The following CDC14A variants were observed in gnomAD, a reference collection of about 807,000 sequenced individuals.
CDC14A encodes the protein cell division cycle 14A, also known as dual specificity protein phosphatase CDC14A.
In CDC14A, 53 loss-of-function variants were observed where a neutral mutation model predicts 74.4. That is an observed-to-expected ratio of 0.71 (90% CI 0.57 to 0.89). The LOEUF (loss-of-function observed/expected upper bound fraction) is 0.89. Among genes scored for constraint, CDC14A ranks in the 40% least tolerant of loss-of-function variants. The probability of loss-of-function intolerance (pLI) is 0.00; values close to 1 mark genes in which losing one functional copy is unlikely to be tolerated. For synonymous variants in CDC14A, 247 were observed against 258.4 expected (o/e 0.96, Z 0.43); for missense variants, 646 against 713.7 (o/e 0.91, Z 1.08).
chr1:100,433,178 T>A (rs1305552455), intron 5 of CDC14A, among the ~76,000 whole-genome samples: 1 of 152,160 alleles, frequency 6.6e-6, no homozygotes, highest in Non-Finnish European at 1.5e-5. Flanking sequence ...CCTGGACACA[T>A]TTTTGCTTCA....
At chr1:100,510,316 AT>A (rs1202747992) in intron 15 of CDC14A, among the ~76,000 whole-genome samples, 1 of 152,250 alleles carries the variant, frequency 6.6e-6, no homozygotes, top group African/African-American at 2.4e-5. Context: ...CTATTTACAG[AT>A]GGGGAAATCA....
intron 5 of CDC14A, among the ~76,000 whole-genome samples, chr1:100,426,500 T>G (rs1436452823): frequency 6.6e-6 from 1 of 152,216 alleles, no homozygotes; most frequent in Non-Finnish European, 1.5e-5. Context: ...TGATTTCAAT[T>G]CTACATAAAT....
chr1:100,495,191 A>G (rs1213454532), intron 12 of CDC14A, among the ~76,000 whole-genome samples: 1 of 152,202 alleles, frequency 6.6e-6, no homozygotes, highest in Non-Finnish European at 1.5e-5. Context: ...ACTCTGTTTC[A>G]AATTCTGTTT....
intron 5 of CDC14A, among the ~76,000 whole-genome samples, chr1:100,438,542 A>T (rs1664588809): frequency 1.3e-5 from 2 of 152,230 alleles, no homozygotes; most frequent in African/African-American, 4.8e-5. Flanking sequence ...TTTACAAGAT[A>T]TTTGAAAAGG....
chr1:100,465,792 A>G (rs1218634487), intron 9 of CDC14A, among the ~76,000 whole-genome samples: 1 of 152,262 alleles, frequency 6.6e-6, no homozygotes, highest in Non-Finnish European at 1.5e-5. Context: ...AAATACAGCA[A>G]CGTTGTGATA....
At chr1:100,468,612 T>G (rs943234758) in intron 10 of CDC14A, among the ~76,000 whole-genome samples, 1 of 152,254 alleles carries the variant, frequency 6.6e-6, no homozygotes, top group Admixed American at 6.5e-5. Context: ...GGCTCTCCAC[T>G]AACTAGCTTT....
intron 11 of CDC14A, among the ~76,000 whole-genome samples, chr1:100,486,497 A>G (rs1208676325): frequency 9.9e-5 from 15 of 152,204 alleles, no homozygotes; most frequent in Non-Finnish European, 1.9e-4. Flanking sequence ...TTTATTTCTC[A>G]CGGTTCTGCA....
intron 4 of CDC14A, among the ~76,000 whole-genome samples, chr1:100,395,850 C>T (rs749605265): frequency 5.1e-4 from 77 of 152,140 alleles, no homozygotes; most frequent in Non-Finnish European, 9.7e-4. Flanking sequence ...ATGCTTGTTC[C>T]TACCAAAGAG....
intron 3 of CDC14A, among the ~76,000 whole-genome samples, chr1:100,388,026 G>A (rs1571029211): frequency 6.6e-6 from 1 of 152,282 alleles, no homozygotes; most frequent in South Asian, 2.1e-4. Context: ...TAGTAGAAAA[G>A]AGCATCAAAA....
Position 100,518,393 on chromosome 1 carries a change from C to A in CDC14A, c.*113C>A, listed in dbSNP as rs1557845268. On this transcript the variant is annotated 3_prime_UTR_variant, in exon 16 of 16. Transcript: ENST00000336454. The stretch of plus-strand genomic sequence containing the variant: ...CTGGAAGAATATCTCTGCCTTCTTA[C>A]CTTAAATTAAAAAGAGCACTAAGAT... 7.2e-6 allele frequency: 6 copies of A among 833,878 alleles called. No individual in the cohort carries two copies. Among genetic ancestry groups the A allele is most frequent in the African/African-American group, 1.7e-5 (1 of 58,546 alleles). The allele number at this position is 833,878 out of a possible 1,614,324, so 51.7% of individuals were successfully genotyped here. A position where few individuals can be genotyped will look rare whatever the true frequency, so the allele number is the denominator to read the frequency against.
At chr1:100,402,341 A>G (rs1037632729) in intron 4 of CDC14A, among the ~76,000 whole-genome samples, 4 of 152,186 alleles carry the variant, frequency 2.6e-5, no homozygotes, top group African/African-American at 9.6e-5. Flanking sequence ...GCTCACATTT[A>G]GACGTATTCC....
At chr1:100,353,077 A>C in intron 1 of CDC14A, 74 bp downstream of exon 1, 4 of 1,509,742 alleles carry the variant, frequency 2.6e-6, no homozygotes, top group East Asian at 2.3e-5. Context: ...CACTGTCCCC[A>C]CCTTCTCCTG....
intron 5 of CDC14A, among the ~76,000 whole-genome samples, chr1:100,432,474 A>C (rs1428915778): frequency 1.3e-5 from 2 of 152,222 alleles, no homozygotes; most frequent in Non-Finnish European, 2.9e-5. Flanking sequence ...TAGACTGTAC[A>C]TTTAAAATAC....
At chr1:100,432,596 G>C (rs1462303683) in intron 5 of CDC14A, among the ~76,000 whole-genome samples, 1 of 152,096 alleles carries the variant, frequency 6.6e-6, no homozygotes, top group Non-Finnish European at 1.5e-5. Context: ...GTGAGACCCT[G>C]TCTCTCAAAA....
chr1:100,349,821 T>A (rs542110512), upstream of CDC14A, among the ~76,000 whole-genome samples: 3 of 151,766 alleles, frequency 2.0e-5, no homozygotes, highest in African/African-American at 7.2e-5. Flanking sequence ...CGCCACCACA[T>A]CTGGCTAATT....
chr1:100,482,531 G>A (rs889282859), intron 10 of CDC14A, among the ~76,000 whole-genome samples: 4 of 152,034 alleles, frequency 2.6e-5, no homozygotes, highest in Non-Finnish European at 5.9e-5. Context: ...TGAGTAAGGG[G>A]CCTCTTTTCC....
Position 100,493,855 on chromosome 1 carries a change from G to A in CDC14A, c.1138-963G>A, listed in dbSNP as rs79989235. 6.0e-3 allele frequency among the ~76,000 whole-genome samples: 914 copies of A among 152,228 alleles called. 5 individuals carry two copies. Among genetic ancestry groups the A allele is most frequent in the African/African-American group, 0.021 (870 of 41,534 alleles). The stretch of plus-strand genomic sequence containing the variant: ...GTGGCCGGGATTGAGGAGGTATTGC[G>A]ATGAGAAATGACTCAAATGTGACTT... On this transcript the variant is annotated intron_variant, in intron 11 of 15. Transcript: ENST00000336454.
rs573831057 is a variant in CDC14A, at chr1:100,437,421, G to T, written c.390-2511G>T. On this transcript the variant is annotated intron_variant, in intron 5 of 15. Coordinates refer to ENST00000336454, the MANE Select transcript of CDC14A (RefSeq NM_003672.4). ...TGTTGGCACTATGTGGCTGTCATGA[G>T]GATTAAATGCGCTATGCATATAAAT... 7.2e-5 allele frequency among the ~76,000 whole-genome samples: 11 copies of T among 152,302 alleles called. No homozygotes were observed. The East Asian group carries it at 2.1e-3, about 29-fold the overall frequency.
chr1:100,418,877 C>T (rs1332864209), intron 4 of CDC14A, among the ~76,000 whole-genome samples: 1 of 152,100 alleles, frequency 6.6e-6, no homozygotes, highest in East Asian at 1.9e-4. Context: ...CCTGGATCTA[C>T]CCCATAATTG....
Sources: gnomAD v4.1 joint callset for allele counts (sites outside exome capture counted in the v4.1 genomes callset) on GRCh38, gnomAD v4.1.1 for gene constraint, MANE v1.5 for transcripts, NCBI Gene and HGNC (gene_info 2026-07-23, HGNC 2026-07-21) for gene names.